FAAH2: variants seen among roughly 807,000 people sequenced by gnomAD.
FAAH2 encodes the protein fatty-acid amide hydrolase 2.
In FAAH2, 60 loss-of-function variants were observed where a neutral mutation model predicts 36.9. The ratio of observed to expected loss-of-function variants is 1.63; its 90% confidence interval spans 1.32 to 2.02. FAAH2 has a LOEUF of 2.02. Ranked by LOEUF, FAAH2 falls within the 30% of genes most tolerant of loss-of-function variation. The pLI, the probability that FAAH2 is intolerant of heterozygous loss-of-function variation, is 0.00. For synonymous variants in FAAH2, 214 were observed against 143.8 expected (o/e 1.49, Z -3.49); for missense variants, 689 against 397.5 (o/e 1.73, Z -6.23).
chrX:57,180,778 T>A, the FAAH2 span, among the ~76,000 whole-genome samples: 3 of 111,502 alleles, frequency 2.7e-5, no homozygotes, highest in Non-Finnish European at 5.7e-5. Context: ...CCCCACTGCA[T>A]TCTATGAGGC....
At chrX:57,372,694 C>A (rs1176652635) in intron 5 of FAAH2, among the ~76,000 whole-genome samples, 1 of 111,093 alleles carries the variant, frequency 9.0e-6, no homozygotes. Flanking sequence ...CGCCATAAAA[C>A]TTACTGTGTT....
the FAAH2 span, among the ~76,000 whole-genome samples, chrX:57,198,414 C>G: frequency 8.9e-6 from 1 of 112,055 alleles, no homozygotes; most frequent in African/African-American, 3.2e-5. Flanking sequence ...CAGTCTCACT[C>G]TCACCATGCC....
intron 3 of FAAH2, among the ~76,000 whole-genome samples, chrX:57,325,137 G>A (rs1179518539): frequency 8.9e-6 from 1 of 111,858 alleles, no homozygotes; most frequent in Non-Finnish European, 1.9e-5. Context: ...ATGCTGGATT[G>A]CATTTATTGA....
intron 7 of FAAH2, among the ~76,000 whole-genome samples, chrX:57,425,495 C>T (rs1191834270): frequency 9.0e-6 from 1 of 111,414 alleles, no homozygotes; most frequent in African/African-American, 3.3e-5. Flanking sequence ...TAAAGGAAAG[C>T]CCATCACATA....
chrX:57,458,742 C>T (rs752506227), intron 10 of FAAH2, among the ~76,000 whole-genome samples: 4 of 111,670 alleles, frequency 3.6e-5, no homozygotes, highest in East Asian at 2.9e-4. Flanking sequence ...TGGGGGCCTC[C>T]GTTCCCTAGC....
the FAAH2 span, among the ~76,000 whole-genome samples, chrX:57,155,499 C>T: frequency 8.9e-6 from 1 of 112,262 alleles, no homozygotes; most frequent in Admixed American, 9.4e-5. Flanking sequence ...AGGCTAGTCT[C>T]ACTCCCACCA....
intron 5 of FAAH2, among the ~76,000 whole-genome samples, chrX:57,370,296 A>C (rs1363883020): frequency 9.0e-6 from 1 of 111,700 alleles, no homozygotes; most frequent in Non-Finnish European, 1.9e-5. Flanking sequence ...CAGATAAGAA[A>C]AACATAACCC....
chrX:57,129,815 A>T, the FAAH2 span, among the ~76,000 whole-genome samples: 1 of 112,089 alleles, frequency 8.9e-6, no homozygotes, highest in South Asian at 3.7e-4. Flanking sequence ...CGAGGATCAA[A>T]CATAGTCAGT....
chrX:57,300,254 C>T (rs1228393777), intron 2 of FAAH2, among the ~76,000 whole-genome samples: 24 of 111,625 alleles, frequency 2.2e-4, no homozygotes, highest in African/African-American at 7.5e-4. Context: ...GGTACCAAAA[C>T]AGACATATAG....
intron 10 of FAAH2, among the ~76,000 whole-genome samples, chrX:57,472,334 A>C (rs1158195527): frequency 8.9e-6 from 1 of 112,215 alleles, no homozygotes; most frequent in Non-Finnish European, 1.9e-5. Context: ...AAATTTTTGC[A>C]ATCTACTCAT....
chrX:57,137,951 G>C, the FAAH2 span, among the ~76,000 whole-genome samples: 1 of 111,112 alleles, frequency 9.0e-6, no homozygotes. Context: ...CCTATCCATA[G>C]ATTCTTAATT....
the FAAH2 span, among the ~76,000 whole-genome samples, chrX:57,252,166 G>T: frequency 1.8e-5 from 2 of 112,583 alleles, no homozygotes; most frequent in African/African-American, 6.5e-5. Context: ...TTGGCAGGGG[G>T]AGGGGCGTCT....
the FAAH2 span, among the ~76,000 whole-genome samples, chrX:57,198,786 GCTT>G: frequency 1.8e-5 from 2 of 111,963 alleles, no homozygotes; most frequent in Admixed American, 9.5e-5. Context: ...GGCTTTTCCT[GCTT>G]CTTCTTCTAC....
chrX:57,254,029 T>C, the FAAH2 span, among the ~76,000 whole-genome samples: 1 of 110,734 alleles, frequency 9.0e-6, no homozygotes, highest in South Asian at 3.8e-4. Context: ...GTGTGCTGTA[T>C]TCAGGAGACT....
the FAAH2 span, among the ~76,000 whole-genome samples, chrX:57,147,225 C>G: frequency 9.0e-6 from 1 of 111,589 alleles, no homozygotes; most frequent in Non-Finnish European, 1.9e-5. Context: ...TTTAAATTGC[C>G]ATTTCAATCT....
chrX:57,338,529 G>T (rs1004352370), intron 4 of FAAH2, among the ~76,000 whole-genome samples: 1 of 111,418 alleles, frequency 9.0e-6, no homozygotes. Context: ...AGTCACAGGG[G>T]ATGCGATGGC....
Position 57,474,170 on chromosome X carries a change from T to C in FAAH2, c.1424-14587T>C, listed in dbSNP as rs567546337. On this transcript the variant is annotated intron_variant, in intron 10 of 10. Transcript: ENST00000374900. Reference sequence around the variant, plus strand: ...CATGTTTACAATTCATTTAAGCATTTTTTGTATGTCCAATCTAGTGGTGAT... The same window carrying C: ...CATGTTTACAATTCATTTAAGCATTCTTTGTATGTCCAATCTAGTGGTGAT... Among the ~76,000 whole-genome samples, 51 of 111,898 alleles carry C rather than the reference T, an allele frequency of 4.6e-4. No homozygotes were observed. The South Asian group carries it at 9.2e-3, about 20-fold the overall frequency.
At chrX:57,305,062 T>TTGTGTG (rs60804398) in intron 2 of FAAH2, among the ~76,000 whole-genome samples, 67 of 103,810 alleles carry the variant, frequency 6.5e-4, no homozygotes, top group African/African-American at 2.0e-3. Context: ...TTCTGTAATT[T>TTGTGTG]TGTGTGTGTG....
intron 7 of FAAH2, among the ~76,000 whole-genome samples, chrX:57,400,030 A>G (rs2055394138): frequency 8.9e-6 from 1 of 112,102 alleles, no homozygotes; most frequent in African/African-American, 3.2e-5. Flanking sequence ...GGTCCCCTCG[A>G]GTGGTGTAGG....
Sources: allele counts gnomAD v4.1 joint callset (sites outside exome capture counted in the v4.1 genomes callset), GRCh38; gene constraint gnomAD v4.1.1; transcripts MANE v1.5; gene names NCBI Gene and HGNC (gene_info 2026-07-23, HGNC 2026-07-21).